The following MSRB3 variants were observed in gnomAD, a reference collection of about 807,000 sequenced individuals.
The protein encoded by MSRB3 is methionine-R-sulfoxide reductase B3.
MSRB3 carries 13 observed loss-of-function variants against 21.0 expected under a neutral mutation model. The observed-to-expected ratio is 0.62, with a 90% CI of 0.40 to 0.98. The LOEUF (loss-of-function observed/expected upper bound fraction) is 0.98. MSRB3 is among the 50% of genes least tolerant of loss of function. The pLI, the probability that MSRB3 is intolerant of heterozygous loss-of-function variation, is 0.00. For missense variants in MSRB3, 199 were observed against 230.3 expected (o/e 0.86, Z 0.88); for synonymous variants, 87 against 88.6 (o/e 0.98, Z 0.10).
At chr12:65,375,070 C>T (rs1172246422) in intron 5 of MSRB3, among the ~76,000 whole-genome samples, 1 of 148,650 alleles carries the variant, frequency 6.7e-6, no homozygotes, top group Non-Finnish European at 1.5e-5. Context: ...TTAGTCAGAT[C>T]TCCTGACCTC....
chr12:65,399,471 G>C (rs948160294), intron 5 of MSRB3, among the ~76,000 whole-genome samples: 1 of 152,228 alleles, frequency 6.6e-6, no homozygotes. Flanking sequence ...AGACTTTGCT[G>C]AAGTTGCTTA....
chr12:65,448,502 A>T (rs1056838576), intron 5 of MSRB3, among the ~76,000 whole-genome samples: 2 of 152,206 alleles, frequency 1.3e-5, no homozygotes, highest in African/African-American at 4.8e-5. Flanking sequence ...AATCTTTCAT[A>T]AGAAGAAATG....
At chr12:65,326,441 A>G (rs1174775684) in intron 2 of MSRB3, among the ~76,000 whole-genome samples, 1 of 152,182 alleles carries the variant, frequency 6.6e-6, no homozygotes, top group East Asian at 1.9e-4. Flanking sequence ...TTAACATAAT[A>G]TGCCCATCAT....
intron 5 of MSRB3, among the ~76,000 whole-genome samples, chr12:65,447,266 T>C (rs915461426): frequency 2.5e-4 from 38 of 152,164 alleles, no homozygotes; most frequent in African/African-American, 9.2e-4. Context: ...TTGGCCTCCA[T>C]GTTTAAATAG....
chr12:65,286,458 A>G (rs1352288986), intron 1 of MSRB3: 1 of 152,170 alleles, frequency 6.6e-6, no homozygotes, highest in African/African-American at 2.4e-5. Flanking sequence ...TTTAAAAATT[A>G]TATTTTTAGG....
chr12:65,418,681 T>G, intron 5 of MSRB3: 1 of 696,724 alleles, frequency 1.4e-6, no homozygotes, highest in Non-Finnish European at 2.5e-6. Context: ...GAACTTTTTA[T>G]TGGCTTCCAG....
intron 4 of MSRB3, among the ~76,000 whole-genome samples, chr12:65,368,086 G>A (rs1375417869): frequency 1.3e-5 from 2 of 151,944 alleles, no homozygotes; most frequent in African/African-American, 4.8e-5. Context: ...GAAAGCCACC[G>A]CTTCCAAAAG....
intron 5 of MSRB3, among the ~76,000 whole-genome samples, chr12:65,369,480 A>T (rs1000929433): frequency 6.6e-6 from 1 of 152,200 alleles, no homozygotes; most frequent in Non-Finnish European, 1.5e-5. Context: ...CTCTTAAAAA[A>T]GTTTTATTGC....
intron 1 of MSRB3, among the ~76,000 whole-genome samples, chr12:65,288,829 G>A (rs927564087): frequency 1.3e-5 from 2 of 151,986 alleles, no homozygotes; most frequent in Non-Finnish European, 2.9e-5. Context: ...AAACTTCACT[G>A]TGAGTTTTAA....
chr12:65,301,752 C>G (rs956428979), intron 1 of MSRB3, among the ~76,000 whole-genome samples: 3 of 152,134 alleles, frequency 2.0e-5, no homozygotes, highest in Non-Finnish European at 4.4e-5. Flanking sequence ...ATAAAACATA[C>G]AATTATCTGA....
chr12:65,322,585 C>T (rs1874745594), intron 2 of MSRB3, among the ~76,000 whole-genome samples: 1 of 148,846 alleles, frequency 6.7e-6, no homozygotes, highest in South Asian at 2.1e-4. Flanking sequence ...CGCTTGAATC[C>T]GAAATGCAGA....
chr12:65,358,685 G>A (rs1877530489), intron 4 of MSRB3, among the ~76,000 whole-genome samples: 1 of 151,942 alleles, frequency 6.6e-6, no homozygotes, highest in African/African-American at 2.4e-5. Flanking sequence ...TTAGAGAGTA[G>A]TGTTGGAAAC....
At chr12:65,460,463 A>C (rs1455242327) in intron 6 of MSRB3, among the ~76,000 whole-genome samples, 1 of 152,212 alleles carries the variant, frequency 6.6e-6, no homozygotes, top group East Asian at 1.9e-4. Flanking sequence ...TCCCTCAGAC[A>C]AATGGCTTTG....
chr12:65,306,869 A>G, intron 1 of MSRB3: 1 of 985,868 alleles, frequency 1.0e-6, no homozygotes. Flanking sequence ...GCAGAGTGAC[A>G]TCACTGCCTC....
chr12:65,359,161 G>A (rs1412516625), intron 4 of MSRB3, among the ~76,000 whole-genome samples: 4 of 152,020 alleles, frequency 2.6e-5, no homozygotes, highest in Admixed American at 2.0e-4. Context: ...GAGCTACATA[G>A]GACTCTCTTT....
At chr12:65,317,534 C>A (rs545743384) in intron 2 of MSRB3, among the ~76,000 whole-genome samples, 1 of 152,292 alleles carries the variant, frequency 6.6e-6, no homozygotes, top group South Asian at 2.1e-4. Flanking sequence ...TCCCTTCTCA[C>A]TCTGCAAGAG....
chr12:65,378,474 T>A (rs1193744856), intron 5 of MSRB3, among the ~76,000 whole-genome samples: 1 of 152,172 alleles, frequency 6.6e-6, no homozygotes, highest in Non-Finnish European at 1.5e-5. Context: ...CACTTGTCAA[T>A]GATGGTAGAA....
At chr12:65,410,986 G>T (rs1212174617) in intron 5 of MSRB3, among the ~76,000 whole-genome samples, 2 of 151,848 alleles carry the variant, frequency 1.3e-5, no homozygotes, top group Non-Finnish European at 2.9e-5. Flanking sequence ...CCTTTTATGG[G>T]GTAGCGTATT....
At chr12:65,299,367 G>A (rs1006080232) in intron 1 of MSRB3, among the ~76,000 whole-genome samples, 1 of 152,190 alleles carries the variant, frequency 6.6e-6, no homozygotes, top group Non-Finnish European at 1.5e-5. Context: ...GGTTGGGCTG[G>A]TGAATAGCTC....
Sources: gnomAD v4.1 joint callset for allele counts (sites outside exome capture counted in the v4.1 genomes callset) on GRCh38, gnomAD v4.1.1 for gene constraint, MANE v1.5 for transcripts, NCBI Gene and HGNC (gene_info 2026-07-23, HGNC 2026-07-21) for gene names.